SENP5: variants seen among roughly 807,000 people sequenced by gnomAD.
SENP5 encodes sentrin-specific protease 5.
Under a neutral mutation model 74.2 loss-of-function variants are expected in SENP5, and 21 were observed. The ratio of observed to expected loss-of-function variants is 0.28; its 90% CI spans 0.20 to 0.41. The LOEUF (loss-of-function observed/expected upper bound fraction) is 0.41, where lower values mean the gene tolerates loss of function less well. Among genes scored for constraint, SENP5 ranks in the 10% least tolerant of loss-of-function variants. The pLI, the probability that SENP5 is intolerant of heterozygous loss-of-function variation, is 1.00. For synonymous variants in SENP5, 311 were observed against 312.7 expected (o/e 0.99, Z 0.06); for missense variants, 717 against 889.1 (o/e 0.81, Z 2.46).
chr3:196,889,797 G>A (rs1714128928), intron 2 of SENP5, among the ~76,000 whole-genome samples: 1 of 152,296 alleles, frequency 6.6e-6, no homozygotes, highest in South Asian at 2.1e-4. Context: ...AGGTCCAGGC[G>A]GGCAGAAGGA....
intron 5 of SENP5, among the ~76,000 whole-genome samples, chr3:196,901,560 T>C (rs1004837718): frequency 6.6e-6 from 1 of 152,148 alleles, no homozygotes; most frequent in African/African-American, 2.4e-5. Flanking sequence ...GGTGCAAAAA[T>C]TTCCAAGTGC....
intron 1 of SENP5, among the ~76,000 whole-genome samples, chr3:196,868,533 C>G (rs951427564): frequency 6.6e-6 from 1 of 152,224 alleles, no homozygotes; most frequent in Non-Finnish European, 1.5e-5. Context: ...CGGTGGGAGA[C>G]GTCTTTTCCC....
intron 1 of SENP5, among the ~76,000 whole-genome samples, chr3:196,879,524 C>T (rs1018611785): frequency 1.1e-4 from 16 of 152,068 alleles, no homozygotes; most frequent in Non-Finnish European, 1.9e-4. Flanking sequence ...GACTTTTGAC[C>T]GCTCCCTTCT....
At chr3:196,876,474 C>T (rs1269663470) in intron 1 of SENP5, among the ~76,000 whole-genome samples, 2 of 148,748 alleles carry the variant, frequency 1.3e-5, no homozygotes, top group South Asian at 2.1e-4. Flanking sequence ...GCCGAGATTG[C>T]GCCACTGCAC....
At chr3:196,898,039 G>A (rs112252678) in intron 2 of SENP5, among the ~76,000 whole-genome samples, 2 of 151,596 alleles carry the variant, frequency 1.3e-5, no homozygotes, top group African/African-American at 2.4e-5. Context: ...TTAGCTGGGC[G>A]TGGTGGCGGG....
At chr3:196,929,282 A>AG (rs1715936194) in intron 8 of SENP5, 1 of 220,806 alleles carries the variant, frequency 4.5e-6, no homozygotes. Flanking sequence ...TAGCATCCAG[A>AG]GGCTGGGCCT....
chr3:196,885,951 T>C lies in SENP5; in HGVS notation c.770T>C (p.Val257Ala). ...RSQHFRTKSK[V>A]CKLRKAQRSW... ...CAGCACTTCAGAACCAAAAGCAAGG[T>C]TTGCAAGCTAAGAAAAGCCCAGCGA... The change falls in exon 2 of 10, where the codon GTT (valine) becomes GCT (alanine). Residue 257 changes from valine (V) to alanine (A), a missense_variant. Val to Ala is a moderately conservative substitution (Grantham distance 64). Coordinates refer to ENST00000323460, the MANE Select transcript of SENP5 (RefSeq NM_152699.5). 6.2e-7 allele frequency: 1 copy of C among 1,614,050 alleles called. No homozygotes were observed. The highest frequency in any genetic ancestry group is 1.3e-5 in the African/African-American group (1 of 75,008).
intron 5 of SENP5, among the ~76,000 whole-genome samples, chr3:196,902,407 G>A (rs1208488381): frequency 6.6e-6 from 1 of 152,216 alleles, no homozygotes; most frequent in Non-Finnish European, 1.5e-5. Context: ...GCTGGGATTA[G>A]AAGTGTGAGC....
rs1301708698 is a variant in SENP5 at position 196,881,859 on chromosome 3, A to T, written c.-31-3292A>T. On this transcript the variant is annotated intron_variant, in intron 1 of 9. Coordinates refer to ENST00000323460, the MANE Select transcript of SENP5 (RefSeq NM_152699.5). The stretch of plus-strand genomic sequence containing the variant: ...ACACCCTGTTCTTTTTTTTCAATGG[A>T]TGTAATATTTGCTTTTGCTTCTTTG... Among the ~76,000 whole-genome samples the T allele has an allele frequency of 3.0e-5, 4 of 133,674 alleles. No individual in the cohort carries two copies. In the East Asian group the frequency reaches 6.8e-4, roughly 23 times the overall value. The allele number at this position is 133,674 out of a possible 152,430, so 87.7% of individuals were successfully genotyped here.
chr3:196,932,654 A>C lies in SENP5; in HGVS notation c.*1731A>C, dbSNP rs868114725. The C allele has an allele frequency of 2.0e-5, 3 of 151,692 alleles. No individual in the cohort carries two copies. The highest frequency in any genetic ancestry group is 7.3e-5 in the African/African-American group (3 of 41,270). The allele number at this position is 151,692 out of a possible 1,614,324, so 9.4% of individuals were successfully genotyped here. ...AAAATGACAGTTTAGGGTAAGGAAG[A>C]TCTCATAATGAGTTTTTCAAACATA... On this transcript the variant is annotated 3_prime_UTR_variant, in exon 10 of 10. Transcript: ENST00000323460.
chr3:196,925,204 T>G (rs891832839), intron 7 of SENP5, among the ~76,000 whole-genome samples: 1 of 152,146 alleles, frequency 6.6e-6, no homozygotes, highest in Non-Finnish European at 1.5e-5. Flanking sequence ...TCTTGTATTA[T>G]TTGTTTAATT....
intron 6 of SENP5, among the ~76,000 whole-genome samples, chr3:196,917,707 G>A (rs1262290277): frequency 6.6e-6 from 1 of 152,146 alleles, no homozygotes; most frequent in Non-Finnish European, 1.5e-5. Context: ...ATCATACCCA[G>A]CGAAAATATA....
intron 8 of SENP5, among the ~76,000 whole-genome samples, chr3:196,928,663 C>G (rs1313709289): frequency 6.6e-6 from 1 of 152,144 alleles, no homozygotes; most frequent in Non-Finnish European, 1.5e-5. Context: ...TGAAACAAAC[C>G]TTTAACCCAA....
chr3:196,933,577 T>C lies in SENP5; in HGVS notation c.*2654T>C, dbSNP rs750268259. On this transcript the variant is annotated 3_prime_UTR_variant, in exon 10 of 10. Transcript: ENST00000323460. ...GGTACTAGTTTGGCACTGAACTGTT[T>C]GGGTGCCCATGAGGTAGGCAGACCT... 8 of 152,088 alleles carry C rather than the reference T, an allele frequency of 5.3e-5. No homozygotes were observed. The highest frequency in any genetic ancestry group is 8.8e-5 in the Non-Finnish European group (6 of 68,146). The allele number at this position is 152,088 out of a possible 1,614,324, so 9.4% of individuals were successfully genotyped here.
At chr3:196,868,672 C>T (rs1279256261) in intron 1 of SENP5, among the ~76,000 whole-genome samples, 1 of 152,228 alleles carries the variant, frequency 6.6e-6, no homozygotes, top group East Asian at 1.9e-4. Flanking sequence ...AAATCCTACC[C>T]TGCTCTCTGG....
At chr3:196,926,779 C>T (rs1336158500) in intron 7 of SENP5, among the ~76,000 whole-genome samples, 3 of 151,524 alleles carry the variant, frequency 2.0e-5, no homozygotes, top group African/African-American at 7.3e-5. Context: ...GCTGGGATTA[C>T]AGGTGTGCAC....
At chr3:196,874,861 A>G (rs1713386840) in intron 1 of SENP5, among the ~76,000 whole-genome samples, 1 of 152,004 alleles carries the variant, frequency 6.6e-6, no homozygotes, top group African/African-American at 2.4e-5. Flanking sequence ...CCTGGGCAAC[A>G]AGAGTGGGAA....
At chr3:196,903,388 C>T in intron 5 of SENP5, 145 bp from the exon 6 acceptor site, 1 of 511,344 alleles carries the variant, frequency 2.0e-6, no homozygotes, top group Non-Finnish European at 3.5e-6. Context: ...GATCCACTTG[C>T]CTCCTCAATC....
rs776836260 is a variant in SENP5 at position 196,886,612 on chromosome 3, A to G, written c.1431A>G (p.Lys477=). 1.2e-6 allele frequency: 2 copies of G among 1,611,332 alleles called. No homozygotes were observed. The highest frequency in any genetic ancestry group is 1.7e-6 in the Non-Finnish European group (2 of 1,179,146). ...CTCCCTTGGTGTGCAGTGGACTCAA[A>G]CTAGAAAATCAAGTAGGAGGTGGAA... ...LEAPLVCSGL[K]LENQVGGGKN... is the part of the protein sequence containing the mutation. Residue 477 remains lysine, a synonymous_variant, in exon 2 of 10, where the codon AAA becomes AAG. Transcript: ENST00000323460.
Sources: gnomAD v4.1 joint callset for allele counts (sites outside exome capture counted in the v4.1 genomes callset) on GRCh38, gnomAD v4.1.1 for gene constraint, MANE v1.5 for transcripts, NCBI Gene and HGNC (gene_info 2026-07-23, HGNC 2026-07-21) for gene names.